The following WDPCP variants were observed in gnomAD, a reference collection of about 807,000 sequenced individuals.
WDPCP encodes the protein WD repeat containing planar cell polarity effector, also known as WD repeat-containing and planar cell polarity effector protein fritz homolog.
In WDPCP, 71 loss-of-function variants were observed where a neutral mutation model predicts 93.1. The ratio of observed to expected loss-of-function variants is 0.76; its 90% CI spans 0.63 to 0.93. The LOEUF (loss-of-function observed/expected upper bound fraction) is 0.93. WDPCP is among the 40% of genes least tolerant of loss of function. WDPCP has a pLI of 0.00. For missense variants in WDPCP, 844 were observed against 887.4 expected (o/e 0.95, Z 0.62); for synonymous variants, 315 against 315.0 (o/e 1.00, Z 0.00).
intron 12 of WDPCP, among the ~76,000 whole-genome samples, chr2:63,370,502 G>T (rs1161312762): frequency 6.6e-6 from 1 of 151,954 alleles, no homozygotes; most frequent in Non-Finnish European, 1.5e-5. Context: ...ATTTTTTAAA[G>T]ATGTTAAAAT....
chr2:63,295,848 G>T (rs2103647201), intron 13 of WDPCP, among the ~76,000 whole-genome samples: 1 of 134,332 alleles, frequency 7.4e-6, no homozygotes, highest in East Asian at 2.3e-4. Flanking sequence ...ATATACAAAG[G>T]AGAGCTGGTA....
intron 2 of WDPCP, among the ~76,000 whole-genome samples, chr2:63,691,594 C>T (rs1488113684): frequency 1.3e-5 from 2 of 151,890 alleles, no homozygotes; most frequent in South Asian, 4.2e-4. Context: ...AAGATTGTGC[C>T]ACTGCATTCC....
chr2:63,231,365 A>C (rs558385408), intron 14 of WDPCP, among the ~76,000 whole-genome samples: 1 of 152,326 alleles, frequency 6.6e-6, no homozygotes, highest in Non-Finnish European at 1.5e-5. Flanking sequence ...AAGAGTATTC[A>C]GTTAGGAAAA....
At chr2:63,644,396 A>T (rs1710023369) in intron 3 of WDPCP, among the ~76,000 whole-genome samples, 2 of 151,996 alleles carry the variant, frequency 1.3e-5, no homozygotes, top group South Asian at 2.1e-4. Flanking sequence ...GGCACCTGCC[A>T]CCATGCCCAG....
intron 1 of WDPCP, among the ~76,000 whole-genome samples, chr2:63,815,421 T>A (rs1670919331): frequency 6.6e-6 from 1 of 152,222 alleles, no homozygotes. Flanking sequence ...GTGGAATTAC[T>A]CTACTACGAA....
At chr2:63,231,428 A>G (rs1678870385) in intron 14 of WDPCP, among the ~76,000 whole-genome samples, 1 of 152,030 alleles carries the variant, frequency 6.6e-6, no homozygotes. Context: ...TATTTAGAAA[A>G]CCCCATCATC....
intron 7 of WDPCP, chr2:63,437,808 G>A (rs1007540803): frequency 2.6e-6 from 4 of 1,536,950 alleles, no homozygotes; most frequent in Non-Finnish European, 2.7e-6. Flanking sequence ...ACCAATGGAT[G>A]AGATGTATTT....
At chr2:63,805,863 TAATCCCA>T (rs1283919641) in intron 2 of WDPCP, among the ~76,000 whole-genome samples, 1 of 152,230 alleles carries the variant, frequency 6.6e-6, no homozygotes, top group Non-Finnish European at 1.5e-5. Flanking sequence ...CTCATACCTG[TAATCCCA>T]GCATTTTGAA....
chr2:63,456,299 C>T (rs1320775942), intron 6 of WDPCP, among the ~76,000 whole-genome samples: 1 of 152,114 alleles, frequency 6.6e-6, no homozygotes, highest in East Asian at 1.9e-4. Flanking sequence ...TGCTTGTAAT[C>T]CCAGCCACTT....
intron 2 of WDPCP, among the ~76,000 whole-genome samples, chr2:63,760,387 G>A (rs569404368): frequency 5.3e-5 from 8 of 151,960 alleles, no homozygotes; most frequent in South Asian, 2.1e-4. Flanking sequence ...GTTTACACAC[G>A]AAAAGGATTT....
chr2:63,641,571 T>C (rs1285529447), intron 3 of WDPCP, among the ~76,000 whole-genome samples: 1 of 152,166 alleles, frequency 6.6e-6, no homozygotes, highest in Non-Finnish European at 1.5e-5. Context: ...CATATGCCTG[T>C]TTGTTGTTTG....
chr2:63,217,458 G>A (rs1188010887), intron 14 of WDPCP, among the ~76,000 whole-genome samples: 1 of 152,186 alleles, frequency 6.6e-6, no homozygotes, highest in Non-Finnish European at 1.5e-5. Flanking sequence ...AGTATCATGA[G>A]TTTTAAATCC....
At chr2:63,280,759 G>A (rs1420440519) in intron 13 of WDPCP, among the ~76,000 whole-genome samples, 1 of 152,152 alleles carries the variant, frequency 6.6e-6, no homozygotes, top group African/African-American at 2.4e-5. Flanking sequence ...ATGGTGCTGG[G>A]ATAATTGGCT....
chr2:63,754,692 A>G (rs1386110665), intron 2 of WDPCP, among the ~76,000 whole-genome samples: 1 of 152,214 alleles, frequency 6.6e-6, no homozygotes, highest in East Asian at 1.9e-4. Flanking sequence ...CCTTTACACA[A>G]TCATTCAGGC....
intron 3 of WDPCP, among the ~76,000 whole-genome samples, chr2:63,615,568 T>G (rs779300796): frequency 4.6e-5 from 7 of 152,178 alleles, no homozygotes; most frequent in Non-Finnish European, 8.8e-5. Flanking sequence ...CCCCACTAAC[T>G]CATTTATAAA....
At chr2:63,381,769 C>CA in intron 11 of WDPCP, 137 bp downstream of exon 11, 3 of 860,046 alleles carry the variant, frequency 3.5e-6, no homozygotes, top group Non-Finnish European at 5.4e-6. Flanking sequence ...CTGATCCTTT[C>CA]AGTTTTAATA....
intron 2 of WDPCP, among the ~76,000 whole-genome samples, chr2:63,777,642 T>C (rs1022836638): frequency 1.3e-5 from 2 of 152,196 alleles, no homozygotes; most frequent in Non-Finnish European, 2.9e-5. Flanking sequence ...AAAATAATTA[T>C]GCTGAAAGAA....
At chr2:63,165,450 A>T (rs1672892525) in intron 15 of WDPCP, among the ~76,000 whole-genome samples, 1 of 151,936 alleles carries the variant, frequency 6.6e-6, no homozygotes, top group East Asian at 1.9e-4. Context: ...CATGAATGAT[A>T]TTGGCTTGTC....
At chr2:63,813,776 T>C (rs1041955530) in intron 1 of WDPCP, 5 of 152,218 alleles carry the variant, frequency 3.3e-5, no homozygotes, top group African/African-American at 9.6e-5. Flanking sequence ...AAATGTCTTA[T>C]ATAAAGCCAT....
Sources: gnomAD v4.1 joint callset for allele counts (sites outside exome capture counted in the v4.1 genomes callset) on GRCh38, gnomAD v4.1.1 for gene constraint, MANE v1.5 for transcripts, NCBI Gene and HGNC (gene_info 2026-07-23, HGNC 2026-07-21) for gene names.